The following LRRTM4 variants were observed in gnomAD, a reference collection of about 807,000 sequenced individuals.
The protein encoded by LRRTM4 is leucine-rich repeat transmembrane neuronal protein 4.
Under a neutral mutation model 47.6 loss-of-function variants are expected in LRRTM4, and 25 were observed. That is an observed-to-expected ratio of 0.53 (90% CI 0.38 to 0.73). The LOEUF is 0.73. Among genes scored for constraint, LRRTM4 ranks in the 30% least tolerant of loss-of-function variants. The probability of loss-of-function intolerance (pLI) is 0.00; values close to 1 mark genes in which losing one functional copy is unlikely to be tolerated. For synonymous variants in LRRTM4, 311 were observed against 269.5 expected, an observed-to-expected ratio of 1.15 and a Z score of -1.51; for missense variants, 638 against 713.4, an observed-to-expected ratio of 0.89 and a Z score of 1.20.
At chr2:77,378,477 A>G (rs768697360) in intron 3 of LRRTM4, among the ~76,000 whole-genome samples, 8 of 152,140 alleles carry the variant, frequency 5.3e-5, no homozygotes, top group Admixed American at 2.6e-4. Flanking sequence ...ATCTTTCAAA[A>G]GAAAATTCAC....
chr2:77,047,010 A>T (rs1170595858), intron 3 of LRRTM4, among the ~76,000 whole-genome samples: 1 of 152,070 alleles, frequency 6.6e-6, no homozygotes, highest in East Asian at 1.9e-4. Flanking sequence ...TAATAAAGAT[A>T]CATTCTGCTA....
chr2:76,863,600 A>T (rs1558699819), intron 3 of LRRTM4, among the ~76,000 whole-genome samples: 1 of 152,162 alleles, frequency 6.6e-6, no homozygotes, highest in African/African-American at 2.4e-5. Context: ...TATGATTTGC[A>T]AGTAGAAGAG....
intron 3 of LRRTM4, among the ~76,000 whole-genome samples, chr2:77,257,832 T>C (rs771056508): frequency 9.9e-5 from 15 of 152,004 alleles, no homozygotes; most frequent in Non-Finnish European, 2.1e-4. Context: ...TGTGGGAAGA[T>C]ATTCAATAGC....
chr2:76,777,118 A>T (rs984451676), intron 3 of LRRTM4, among the ~76,000 whole-genome samples: 7 of 149,146 alleles, frequency 4.7e-5, no homozygotes, highest in African/African-American at 1.7e-4. Flanking sequence ...ATTGATCTAT[A>T]TCTCTGTTTT....
intron 3 of LRRTM4, among the ~76,000 whole-genome samples, chr2:76,916,325 C>A (rs1674243607): frequency 1.5e-5 from 2 of 136,842 alleles, no homozygotes; most frequent in South Asian, 4.5e-4. Context: ...GTGGAGCTTG[C>A]AGTCAGCAGC....
chr2:77,128,141 T>TC (rs536475344), intron 3 of LRRTM4, among the ~76,000 whole-genome samples: 1 of 72,658 alleles, frequency 1.4e-5, no homozygotes, highest in Non-Finnish European at 2.3e-5. Flanking sequence ...AGACTCTGTC[T>TC]CAAAAAAAAA....
intron 3 of LRRTM4, among the ~76,000 whole-genome samples, chr2:76,959,220 T>C (rs909962186): frequency 4.0e-5 from 6 of 151,724 alleles, no homozygotes; most frequent in African/African-American, 1.4e-4. Flanking sequence ...TGGTAAGATG[T>C]CAAATTTTAA....
At chr2:77,379,597 C>T (rs1483478955) in intron 3 of LRRTM4, among the ~76,000 whole-genome samples, 2 of 151,950 alleles carry the variant, frequency 1.3e-5, no homozygotes. Context: ...CTATCGATAT[C>T]TTTGTTAATT....
chr2:76,881,103 C>A (rs1347023592), intron 3 of LRRTM4, among the ~76,000 whole-genome samples: 1 of 152,008 alleles, frequency 6.6e-6, no homozygotes, highest in African/African-American at 2.4e-5. Context: ...GTTCCCAACA[C>A]ACAGAAATAA....
chr2:77,140,431 G>C (rs1672088137), intron 3 of LRRTM4, among the ~76,000 whole-genome samples: 1 of 152,114 alleles, frequency 6.6e-6, no homozygotes, highest in South Asian at 2.1e-4. Flanking sequence ...TATGTAGAAA[G>C]CTGAAACTGG....
At chr2:77,089,135 C>T (rs955921650) in intron 3 of LRRTM4, among the ~76,000 whole-genome samples, 7 of 152,054 alleles carry the variant, frequency 4.6e-5, no homozygotes, top group African/African-American at 1.7e-4. Context: ...AGGGGCAAGT[C>T]CCGCTTTTCT....
At chr2:77,018,120 G>C (rs954743455) in intron 3 of LRRTM4, among the ~76,000 whole-genome samples, 1 of 151,162 alleles carries the variant, frequency 6.6e-6, no homozygotes, top group African/African-American at 2.4e-5. Flanking sequence ...TCCTTTTGAT[G>C]TTTTTGAAAT....
intron 3 of LRRTM4, among the ~76,000 whole-genome samples, chr2:77,305,496 AC>A (rs1677247610): frequency 6.6e-6 from 1 of 152,128 alleles, no homozygotes; most frequent in Admixed American, 6.5e-5. Flanking sequence ...ATTTATTAAG[AC>A]TTGTGCCTTT....
chr2:77,171,055 A>G (rs1472359391), intron 3 of LRRTM4, among the ~76,000 whole-genome samples: 1 of 151,832 alleles, frequency 6.6e-6, no homozygotes, highest in Non-Finnish European at 1.5e-5. Flanking sequence ...GCTTTAGTAC[A>G]CACACACATA....
At chr2:77,128,948 C>T (rs1463429755) in intron 3 of LRRTM4, among the ~76,000 whole-genome samples, 3 of 152,160 alleles carry the variant, frequency 2.0e-5, no homozygotes, top group African/African-American at 7.2e-5. Context: ...TCTACGCTGA[C>T]ATTTTTATAT....
intron 3 of LRRTM4, among the ~76,000 whole-genome samples, chr2:77,062,803 G>A (rs1053637362): frequency 1.3e-5 from 2 of 152,114 alleles, no homozygotes; most frequent in Non-Finnish European, 2.9e-5. Context: ...GTTCTGTGAT[G>A]TTGGCACAAG....
chr2:77,031,909 T>C (rs574057975), intron 3 of LRRTM4, among the ~76,000 whole-genome samples: 4 of 152,134 alleles, frequency 2.6e-5, no homozygotes, highest in Non-Finnish European at 5.9e-5. Flanking sequence ...CAGTTCAGCA[T>C]CTCAAATCTT....
chr2:77,072,714 G>A (rs536158904), intron 3 of LRRTM4, among the ~76,000 whole-genome samples: 48 of 139,618 alleles, frequency 3.4e-4, no homozygotes, highest in African/African-American at 9.7e-4. Flanking sequence ...CAGGAGAATC[G>A]CTTAAGCCCT....
At chr2:77,507,643 G>A (rs1283580467) in intron 3 of LRRTM4, among the ~76,000 whole-genome samples, 1 of 151,752 alleles carries the variant, frequency 6.6e-6, no homozygotes, top group Non-Finnish European at 1.5e-5. Context: ...ATTAAAAAAA[G>A]GAAAAAAGAA....
Sources: allele counts gnomAD v4.1 joint callset (sites outside exome capture counted in the v4.1 genomes callset), GRCh38; gene constraint gnomAD v4.1.1; transcripts MANE v1.5; gene names NCBI Gene and HGNC (gene_info 2026-07-23, HGNC 2026-07-21).